NTHL1: variants seen among roughly 807,000 people sequenced by gnomAD.
NTHL1 encodes the protein nth like DNA glycosylase 1.
NTHL1 carries 32 observed loss-of-function variants against 32.3 expected under a neutral mutation model. The ratio of observed to expected loss-of-function variants is 0.99; its 90% CI spans 0.75 to 1.33. The LOEUF is 1.33. Ranked by LOEUF, NTHL1 falls within the 40% of genes most tolerant of loss-of-function variation. NTHL1 has a pLI of 0.00. For synonymous variants in NTHL1, 188 were observed against 176.9 expected (o/e 1.06, Z -0.50); for missense variants, 501 against 414.1 (o/e 1.21, Z -1.82).
chr16:2,042,683 G>A (rs1238306391), intron 4 of NTHL1, among the ~76,000 whole-genome samples: 1 of 152,112 alleles, frequency 6.6e-6, no homozygotes, highest in East Asian at 1.9e-4. Context: ...AAACCCAGGG[G>A]TCTGTCTGCA....
rs148474733 is a variant in NTHL1 at position 2,040,155 on chromosome 16, C to G, written c.769G>C (p.Ala257Pro). ...TACCTAGGCAGCCACTCCTCCAGGG[C>G]GGCGCGGGTCTCCTCTGGGGACTTG... is the stretch of plus-strand genomic sequence containing the variant. ...ATKSPEETRA[A>P]LEEWLPRELW... The change falls in exon 5 of 6, where the codon GCC becomes CCC. Residue 257 changes from alanine to proline, a missense_variant. By Grantham distance (27) the Ala-to-Pro change is conservative. Coordinates refer to ENST00000651570, the MANE Select transcript of NTHL1 (RefSeq NM_002528.7). The G allele has an allele frequency of 5.6e-6, 9 of 1,613,938 alleles. No homozygotes were observed. Among genetic ancestry groups the G allele is most frequent in the Middle Eastern group, 1.6e-4 (1 of 6,062 alleles).
Position 2,044,902 on chromosome 16 carries a change from G to A in NTHL1, c.355-102C>T. 2 of 1,372,988 alleles carry A rather than the reference G, an allele frequency of 1.5e-6. No individual in the cohort carries two copies. The highest frequency in any genetic ancestry group is 2.5e-5 in the East Asian group (1 of 39,588). The allele number at this position is 1,372,988 out of a possible 1,614,324, so 85.1% of individuals were successfully genotyped here. On this transcript the variant is annotated intron_variant, in intron 2 of 5. Transcript: ENST00000651570. The surrounding 1 kb of genome is among the most constrained non-coding windows in gnomAD (Gnocchi z 5.0). ...CGACACACCCTGGTTTGTTGCCCTG[G>A]GCCACACTTGAGGCATCAGCCTCCC... is the stretch of plus-strand genomic sequence containing the variant.
At position 2,044,004 on chromosome 16, in the gene NTHL1, C is replaced by T. The variant is rs1377647090; in HGVS notation, c.526-278G>A. ...CGTCATTCCCTGCCAGCACCCAGGC[C>T]AGGCCAAGCAGGCCAGCCGCTCCCA... On this transcript the variant is annotated intron_variant, in intron 3 of 5. Transcript: ENST00000651570. The surrounding 1 kb of genome is among the most constrained non-coding windows in gnomAD (Gnocchi z 5.0). 1 of 496,398 alleles carries T rather than the reference C, an allele frequency of 2.0e-6. No homozygotes were observed. Among genetic ancestry groups the T allele is most frequent in the East Asian group, 3.7e-5 (1 of 27,280 alleles). 30.7% of individuals were successfully genotyped at this position (496,398 alleles called of 1,614,324 possible).
chr16:2,040,281 A>T lies in NTHL1; in HGVS notation c.686-43T>A, dbSNP rs549005563. 4 of 1,578,480 alleles carry T rather than the reference A, an allele frequency of 2.5e-6. No homozygotes were observed. In the African/African-American group the frequency reaches 5.4e-5, roughly 21 times the overall value. On this transcript the variant is annotated intron_variant, in intron 4 of 5. Coordinates refer to ENST00000651570, the MANE Select transcript of NTHL1 (RefSeq NM_002528.7). ...GGGGTGAACAGGGGCACACTCCACC[A>T]GCCTAGCCCGTGCCCCTCCCCGCCC...
At chr16:2,045,656 C>T (rs527852839) in intron 2 of NTHL1, among the ~76,000 whole-genome samples, 5 of 152,204 alleles carry the variant, frequency 3.3e-5, no homozygotes, top group East Asian at 1.9e-4. Flanking sequence ...AGGCTGGTCT[C>T]GAACTCCTGA....
intron 2 of NTHL1, among the ~76,000 whole-genome samples, chr16:2,045,298 C>T (rs185467495): frequency 3.9e-5 from 6 of 152,166 alleles, no homozygotes; most frequent in African/African-American, 1.2e-4. Flanking sequence ...GATTTCACCA[C>T]TGCACTCCAG....
At chr16:2,041,079 G>A (rs1346114659) in intron 4 of NTHL1, among the ~76,000 whole-genome samples, 1 of 152,238 alleles carries the variant, frequency 6.6e-6, no homozygotes, top group African/African-American at 2.4e-5. Flanking sequence ...CCGGCCAGCT[G>A]CAGCCCCAGC....
At chr16:2,040,848 G>C (rs956939179) in intron 4 of NTHL1, among the ~76,000 whole-genome samples, 10 of 152,350 alleles carry the variant, frequency 6.6e-5, no homozygotes, top group Middle Eastern at 6.8e-3. Context: ...CATAAGCACT[G>C]GCTCTGGGCA....
chr16:2,040,967 G>A (rs1251021547), intron 4 of NTHL1, among the ~76,000 whole-genome samples: 1 of 152,208 alleles, frequency 6.6e-6, no homozygotes, highest in Non-Finnish European at 1.5e-5. Context: ...GCATGCCCTG[G>A]CCGGCCGCAG....
Position 2,044,552 on chromosome 16 carries a change from G to A in NTHL1, c.525+78C>T, listed in dbSNP as rs2084314558. 26 of 1,572,512 alleles carry A rather than the reference G, an allele frequency of 1.7e-5. No homozygotes were observed. The highest frequency in any genetic ancestry group is 3.3e-5 in the South Asian group (3 of 90,344). ...ATGCTTGACCCTCACTTCCTGCACC[G>A]TCGCCACCCCCCTCAGCCTTCTGAG... On this transcript the variant is annotated intron_variant, in intron 3 of 5. Transcript: ENST00000651570. The surrounding 1 kb of genome is among the most constrained non-coding windows in gnomAD (Gnocchi z 5.0).
rs9938823 is a variant in NTHL1 at position 2,044,061 on chromosome 16, G to A, written c.526-335C>T. ...GGGCTTGGCTGCACCTGCGCCTTCA[G>A]GAAGGAGGGCTGGAGCTGGGGCTTC... On this transcript the variant is annotated intron_variant, in intron 3 of 5. Transcript: ENST00000651570. This position sits in a 1 kb window ranked among gnomAD's most constrained non-coding sequence, Gnocchi z 5.0. The A allele has an allele frequency of 4.9e-6, 2 of 405,970 alleles. No homozygotes were observed. Among genetic ancestry groups the A allele is most frequent in the South Asian group, 4.9e-5 (2 of 40,448 alleles). 25.1% of individuals were successfully genotyped at this position (405,970 alleles called of 1,614,324 possible). A position where few individuals can be genotyped will look rare whatever the true frequency, so the allele number is the denominator to read the frequency against.
At chr16:2,041,883 C>T (rs2084272622) in intron 4 of NTHL1, 2 of 367,286 alleles carry the variant, frequency 5.4e-6, no homozygotes, top group Admixed American at 3.4e-5. Context: ...GCTGGGATTA[C>T]AGGCGTGAGC....
At chr16:2,042,281 C>T (rs1480066752) in intron 4 of NTHL1, 1 of 354,184 alleles carries the variant, frequency 2.8e-6, no homozygotes, top group Non-Finnish European at 5.6e-6. Flanking sequence ...GGGACACGGG[C>T]AGCTGAGGAC....
chr16:2,047,215 C>A, intron 1 of NTHL1: 1 of 166,682 alleles, frequency 6.0e-6, no homozygotes, highest in Non-Finnish European at 1.3e-5. Flanking sequence ...TGTCCGTGTC[C>A]CTCACTGCTC....
In NTHL1 at chr16:2,047,743, C is replaced by G. The variant is rs1596227883; in HGVS notation, c.81G>C (p.Glu27Asp). The change falls in exon 1 of 6, where the codon GAG (glutamate) becomes GAC (aspartate). Residue 27 changes from glutamate to aspartate, a missense_variant. Transcript: ENST00000651570. Reference sequence around the variant, plus strand: ...CCTCTCTTCTCCGGAGAGGCCCGGGCTCCTCCCTACACCCCCGCGGCCCAG... The same window carrying G: ...CCTCTCTTCTCCGGAGAGGCCCGGGGTCCTCCCTACACCCCCGCGGCCCAG... Reference protein sequence around the residue: ...PGAGPRGCREEPGPLRRREAA... With the variant: ...PGAGPRGCREDPGPLRRREAA... 6.3e-7 allele frequency: 1 copy of G among 1,585,760 alleles called. No individual in the cohort carries two copies. Among genetic ancestry groups the G allele is most frequent in the African/African-American group, 1.3e-5 (1 of 74,488 alleles).
At chr16:2,046,092 T>G (rs2084358140) in intron 2 of NTHL1, 36 bp downstream of exon 2, 1 of 1,549,442 alleles carries the variant, frequency 6.5e-7, no homozygotes, top group Non-Finnish European at 8.9e-7. Flanking sequence ...CTTGCTAAGA[T>G]GGGGGGTCAT....
In NTHL1 at chr16:2,043,566, C is replaced by T. The variant is rs372946560; in HGVS notation, c.685+1G>A. On this transcript the variant is annotated splice_donor_variant, in intron 4 of 5. Coordinates refer to ENST00000651570, the MANE Select transcript of NTHL1 (RefSeq NM_002528.7). LOFTEE classifies it high-confidence loss of function. The surrounding 1 kb of genome is among the most constrained non-coding windows in gnomAD (Gnocchi z 4.4). The stretch of plus-strand genomic sequence containing the variant: ...AGCCAGCCCCGCCCTCCTCTACTCA[C>T]CAATGCCTGACACAGTGCCCCAGGC... The T allele has an allele frequency of 5.0e-6, 8 of 1,606,396 alleles. No individual in the cohort carries two copies. Among genetic ancestry groups the T allele is most frequent in the Non-Finnish European group, 6.8e-6 (8 of 1,179,928 alleles).
chr16:2,044,604 C>A lies in NTHL1; in HGVS notation c.525+26G>T, dbSNP rs760441908. The A allele has an allele frequency of 6.3e-7, 1 of 1,598,958 alleles. No individual in the cohort carries two copies. Among genetic ancestry groups the A allele is most frequent in the Non-Finnish European group, 8.5e-7 (1 of 1,179,722 alleles). ...TCTCTCTCAGGCCACTGCCACCCGG[C>A]CCCCGTTGCCACAGGCAGGGCTCAC... is the stretch of plus-strand genomic sequence containing the variant. On this transcript the variant is annotated intron_variant, in intron 3 of 5. Transcript: ENST00000651570. This position sits in a 1 kb window ranked among gnomAD's most constrained non-coding sequence, Gnocchi z 5.0.
rs879283106 is a variant in NTHL1 at position 2,043,432 on chromosome 16, C to T, written c.685+135G>A. 6.0e-5 allele frequency: 77 copies of T among 1,293,806 alleles called. No homozygotes were observed. The highest frequency in any genetic ancestry group is 2.6e-4 in the Middle Eastern group (1 of 3,844). The allele number at this position is 1,293,806 out of a possible 1,614,324, so 80.1% of individuals were successfully genotyped here. A position where few individuals can be genotyped will look rare whatever the true frequency, so the allele number is the denominator to read the frequency against. On this transcript the variant is annotated intron_variant, in intron 4 of 5. Transcript: ENST00000651570. The surrounding 1 kb of genome is among the most constrained non-coding windows in gnomAD (Gnocchi z 4.4). ...CTGAGTGGGGCTGGCCTGGCTCCAC[C>T]CTGGGAGCACCTTTCTGACTCTATG... is the stretch of plus-strand genomic sequence containing the variant.
Sources: gnomAD v4.1 joint callset for allele counts (sites outside exome capture counted in the v4.1 genomes callset) on GRCh38, gnomAD v4.1.1 for gene constraint, Gnocchi (gnomAD v3.1) non-coding constraint, MANE v1.5 for transcripts, NCBI Gene and HGNC (gene_info 2026-07-23, HGNC 2026-07-21) for gene names.